Variants in PHACTR2 observed in about 807,000 individuals in gnomAD.
PHACTR2 encodes phosphatase and actin regulator 2.
PHACTR2 carries 30 observed loss-of-function variants against 76.0 expected under a neutral mutation model. That is an observed-to-expected ratio of 0.39 (90% CI 0.30 to 0.54). PHACTR2 has a LOEUF of 0.54. PHACTR2 is among the 20% of genes least tolerant of loss of function. The pLI is 0.61. For missense variants in PHACTR2, 696 were observed against 781.1 expected (o/e 0.89, Z 1.30); for synonymous variants, 292 against 292.5 (o/e 1.00, Z 0.02).
chr6:143,675,589 T>G (rs1355281341), upstream of PHACTR2, among the ~76,000 whole-genome samples: 1 of 152,180 alleles, frequency 6.6e-6, no homozygotes, highest in Non-Finnish European at 1.5e-5. The surrounding 1 kb of genome is among the most constrained non-coding windows in gnomAD (Gnocchi z 4.9). Flanking sequence ...AAGATATCAC[T>G]GGATAAGAGA....
intron 1 of PHACTR2, among the ~76,000 whole-genome samples, chr6:143,613,450 T>C (rs17368239): frequency 0.27 from 41,433 of 152,190 alleles, 7,146 homozygotes; most frequent in Non-Finnish European, 0.39. Flanking sequence ...GGACTAAATT[T>C]TCTTCCTAGT....
At chr6:143,808,792 T>C (rs1776116342) in intron 12 of PHACTR2, among the ~76,000 whole-genome samples, 1 of 152,188 alleles carries the variant, frequency 6.6e-6, no homozygotes, top group South Asian at 2.1e-4. Flanking sequence ...TTTTATCTAT[T>C]TGAGGGCTTT....
intron 2 of PHACTR2, among the ~76,000 whole-genome samples, chr6:143,728,210 T>C (rs1778619898): frequency 3.9e-5 from 5 of 128,196 alleles, no homozygotes; most frequent in African/African-American, 9.9e-5. Flanking sequence ...CTTTTTTTTT[T>C]TCTTTCTTTT....
chr6:143,689,547 C>T lies in PHACTR2; in HGVS notation c.46+11338C>T, dbSNP rs1487649542. 6.6e-6 allele frequency among the ~76,000 whole-genome samples: 1 copy of T among 152,108 alleles called. No homozygotes were observed. The highest frequency in any genetic ancestry group is 1.5e-5 in the Non-Finnish European group (1 of 68,014). ...CTTTGCTACCTATTGATTGATTTTTCAGCATGACACATTATCTACTGAGCT... is the reference window on the plus strand; with the variant it reads ...CTTTGCTACCTATTGATTGATTTTTTAGCATGACACATTATCTACTGAGCT... On this transcript the variant is annotated intron_variant, in intron 1 of 12. Transcript: ENST00000440869. This position sits in a 1 kb window ranked among gnomAD's most constrained non-coding sequence, Gnocchi z 4.4.
At position 143,753,284 on chromosome 6, in the gene PHACTR2, GA is replaced by G. The variant is rs1779225600; in HGVS notation, c.296-467del. Among the ~76,000 whole-genome samples, 1 of 152,078 alleles carries G rather than the reference GA, an allele frequency of 6.6e-6. No individual in the cohort carries two copies. Among genetic ancestry groups the G allele is most frequent in the Non-Finnish European group, 1.5e-5 (1 of 68,008 alleles). On this transcript the variant is annotated intron_variant, in intron 3 of 12. Coordinates refer to ENST00000440869, the MANE Select transcript of PHACTR2 (RefSeq NM_001100164.2). This position sits in a 1 kb window ranked among gnomAD's most constrained non-coding sequence, Gnocchi z 4.6. ...TATATTCTGGAACCAGTAGTACTTG[GA>G]AATTTTCATATTCTCCCACTTATTG...
Position 143,554,503 on chromosome 6 carries a change from G to A in PHACTR2, c.217+17296G>A, listed in dbSNP as rs1158662998. The A allele has an allele frequency of 6.6e-6, 1 of 152,242 alleles. No individual in the cohort carries two copies. Among genetic ancestry groups the A allele is most frequent in the Non-Finnish European group, 1.5e-5 (1 of 68,026 alleles). 9.4% of individuals were successfully genotyped at this position (152,242 alleles called of 1,614,324 possible). A position where few individuals can be genotyped will look rare whatever the true frequency, so the allele number is the denominator to read the frequency against. On this transcript the variant is annotated intron_variant, in intron 1 of 11. Transcript: ENST00000367584. The surrounding 1 kb of genome is among the most constrained non-coding windows in gnomAD (Gnocchi z 5.9). ...CCTTGGCTATAAATTACAAGTGGGT[G>A]TCAGTGGATGGAAAATTACTAAAAG...
Position 143,618,051 on chromosome 6 carries a change from T to C in PHACTR2, c.13+9729T>C, listed in dbSNP as rs1776084765. On this transcript the variant is annotated intron_variant, in intron 1 of 11. Coordinates refer to the PHACTR2 transcript ENST00000305766. The surrounding 1 kb of genome is among the most constrained non-coding windows in gnomAD (Gnocchi z 5.2). The stretch of plus-strand genomic sequence containing the variant: ...GTTAAACATCTCTTGTCAAATTCTG[T>C]ATAATAGAAGAGGTACATTATTAGA... Among the ~76,000 whole-genome samples the C allele has an allele frequency of 2.0e-5, 3 of 152,316 alleles. No individual in the cohort carries two copies. Among genetic ancestry groups the C allele is most frequent in the South Asian group, 4.2e-4 (2 of 4,818 alleles).
At chr6:143,732,152 A>G (rs1294346648) in intron 2 of PHACTR2, among the ~76,000 whole-genome samples, 1 of 152,244 alleles carries the variant, frequency 6.6e-6, no homozygotes, top group East Asian at 1.9e-4. Flanking sequence ...TATAATTGAT[A>G]TACCAAACAG....
chr6:143,796,690 T>G (rs979210491), intron 11 of PHACTR2, among the ~76,000 whole-genome samples: 4 of 152,184 alleles, frequency 2.6e-5, no homozygotes, highest in African/African-American at 9.7e-5. Flanking sequence ...GATAGTTTGC[T>G]GAGAATGATG....
rs769251687 is a variant in PHACTR2 at position 143,765,412 on chromosome 6, C to G, written c.846C>G (p.Asp282Glu). 3.1e-6 allele frequency: 5 copies of G among 1,614,218 alleles called. No homozygotes were observed. The highest frequency in any genetic ancestry group is 1.6e-4 in the Middle Eastern group (1 of 6,062). The change falls in exon 6 of 13, where the codon GAC becomes GAG. Residue 282 changes from aspartate to glutamate, a missense_variant. By Grantham distance (45) the Asp-to-Glu change is conservative. Transcript: ENST00000440869. The surrounding 1 kb of genome is among the most constrained non-coding windows in gnomAD (Gnocchi z 4.1). ...VGTTKGKRKT[D>E]KQPITSHLSS... is the part of the protein sequence containing the mutation. ...CCACCAAGGGCAAGAGAAAAACTGA[C>G]AAGCAGCCAATAACTTCTCACCTGT...
intron 1 of PHACTR2, among the ~76,000 whole-genome samples, chr6:143,626,117 G>A (rs967394949): frequency 6.6e-6 from 1 of 152,108 alleles, no homozygotes; most frequent in Non-Finnish European, 1.5e-5. Context: ...TCAGGAAGTG[G>A]CCCAGTTCAA....
Position 143,806,766 on chromosome 6 carries a change from C to A in PHACTR2, c.1846-291C>A, listed in dbSNP as rs539727780. Among the ~76,000 whole-genome samples the A allele has an allele frequency of 6.6e-6, 1 of 152,200 alleles. No individual in the cohort carries two copies. The highest frequency in any genetic ancestry group is 1.5e-5 in the Non-Finnish European group (1 of 68,010). ...CCTAGAAGTTCGAGATCAGCCTGGGCAACATCTTGAGACTGTGTCTCTACC... is the reference window on the plus strand; with the variant it reads ...CCTAGAAGTTCGAGATCAGCCTGGGAAACATCTTGAGACTGTGTCTCTACC... On this transcript the variant is annotated intron_variant, in intron 11 of 12. Coordinates refer to ENST00000440869, the MANE Select transcript of PHACTR2 (RefSeq NM_001100164.2). This position sits in a 1 kb window ranked among gnomAD's most constrained non-coding sequence, Gnocchi z 5.8.
At chr6:143,584,565 G>A (rs1337547541) in intron 1 of PHACTR2, among the ~76,000 whole-genome samples, 2 of 152,182 alleles carry the variant, frequency 1.3e-5, no homozygotes, top group Non-Finnish European at 2.9e-5. Flanking sequence ...ATTCAGCCTA[G>A]AAGACCTCAG....
Position 143,739,432 on chromosome 6 carries a change from A to C in PHACTR2, c.215-9553A>C, listed in dbSNP as rs113262118. On this transcript the variant is annotated intron_variant, in intron 2 of 12. Coordinates refer to ENST00000440869, the MANE Select transcript of PHACTR2 (RefSeq NM_001100164.2). This position sits in a 1 kb window ranked among gnomAD's most constrained non-coding sequence, Gnocchi z 4.3. Reference sequence around the variant, plus strand: ...GACGAGATTAGAGTGTAATTTCTCTAGGGATGATTATCATTATTCGTATTT... The same window carrying C: ...GACGAGATTAGAGTGTAATTTCTCTCGGGATGATTATCATTATTCGTATTT... Among the ~76,000 whole-genome samples, 834 of 152,266 alleles carry C rather than the reference A, an allele frequency of 5.5e-3. 7 individuals carry two copies. Among genetic ancestry groups the C allele is most frequent in the African/African-American group, 0.019 (771 of 41,538 alleles).
rs1406697201 is a variant in PHACTR2 at position 143,688,793 on chromosome 6, T to G, written c.46+10584T>G. 6.6e-6 allele frequency among the ~76,000 whole-genome samples: 1 copy of G among 152,234 alleles called. No homozygotes were observed. The highest frequency in any genetic ancestry group is 2.4e-5 in the African/African-American group (1 of 41,470). The stretch of plus-strand genomic sequence containing the variant: ...CTGCAGTAGATTCCAGCTGCTCTCC[T>G]GCTTCTGTTCCCACCCTTCTGCAAT... On this transcript the variant is annotated intron_variant, in intron 1 of 12. Coordinates refer to ENST00000440869, the MANE Select transcript of PHACTR2 (RefSeq NM_001100164.2). This position sits in a 1 kb window ranked among gnomAD's most constrained non-coding sequence, Gnocchi z 5.2.
Position 143,625,454 on chromosome 6 carries a change from C to T in PHACTR2, c.13+17132C>T, listed in dbSNP as rs1475998982. ...ATTATTTATAACTTAAGCCACATAC[C>T]GTGAAAATAAACTACTCACAACATC... On this transcript the variant is annotated intron_variant, in intron 1 of 11. Transcript: ENST00000305766. This position sits in a 1 kb window ranked among gnomAD's most constrained non-coding sequence, Gnocchi z 4.3. Among the ~76,000 whole-genome samples, 1 of 151,552 alleles carries T rather than the reference C, an allele frequency of 6.6e-6. No homozygotes were observed. Among genetic ancestry groups the T allele is most frequent in the Non-Finnish European group, 1.5e-5 (1 of 67,882 alleles).
At chr6:143,693,642 C>A (rs1015007909) in intron 1 of PHACTR2, among the ~76,000 whole-genome samples, 1 of 152,204 alleles carries the variant, frequency 6.6e-6, no homozygotes, top group Admixed American at 6.5e-5. Flanking sequence ...AAGCACACTG[C>A]ATCCATTGTC....
chr6:143,658,797 G>A lies in PHACTR2; in HGVS notation c.13+50475G>A, dbSNP rs2128447871. Among the ~76,000 whole-genome samples, 1 of 152,236 alleles carries A rather than the reference G, an allele frequency of 6.6e-6. No individual in the cohort carries two copies. Among genetic ancestry groups the A allele is most frequent in the East Asian group, 1.9e-4 (1 of 5,188 alleles). ...CTCAGCACTTCGGGAGGCCAAGGTG[G>A]CAGGATCACTTGAGGTCAAGAGTTC... On this transcript the variant is annotated intron_variant, in intron 1 of 11. Transcript: ENST00000305766. This position sits in a 1 kb window ranked among gnomAD's most constrained non-coding sequence, Gnocchi z 4.1.
rs1021568830 is a variant in PHACTR2, at chr6:143,585,630, C to T, written c.217+48423C>T. ...GTGTTCTGAAAAAGACTAATTGGGA[C>T]CAGAAAGCAAGCTCCATGAAGGCAG... On this transcript the variant is annotated intron_variant, in intron 1 of 11. Coordinates refer to the PHACTR2 transcript ENST00000367584. This position sits in a 1 kb window ranked among gnomAD's most constrained non-coding sequence, Gnocchi z 5.2. 3.2e-4 allele frequency among the ~76,000 whole-genome samples: 48 copies of T among 152,250 alleles called. No homozygotes were observed. Among genetic ancestry groups the T allele is most frequent in the Non-Finnish European group, 1.0e-4 (7 of 68,022 alleles).
Sources: gnomAD v4.1 joint callset for allele counts (sites outside exome capture counted in the v4.1 genomes callset) on GRCh38, gnomAD v4.1.1 for gene constraint, Gnocchi (gnomAD v3.1) non-coding constraint, MANE v1.5 for transcripts, NCBI Gene and HGNC (gene_info 2026-07-23, HGNC 2026-07-21) for gene names.